Variants in ZHX2 observed in about 807,000 individuals in gnomAD.
ZHX2 encodes the protein zinc fingers and homeoboxes 2.
In ZHX2, 6 loss-of-function variants were observed where a neutral mutation model predicts 21.9. The observed-to-expected ratio is 0.27, with a 90% confidence interval of 0.15 to 0.54. The LOEUF is 0.54. ZHX2 is among the 20% of genes least tolerant of loss of function. The probability of loss-of-function intolerance (pLI) is 0.95; values close to 1 mark genes in which losing one functional copy is unlikely to be tolerated. For missense variants in ZHX2, 908 were observed against 1,090.7 expected (o/e 0.83, Z 2.36); for synonymous variants, 434 against 437.1 (o/e 0.99, Z 0.09).
intron 2 of ZHX2, among the ~76,000 whole-genome samples, chr8:122,892,908 A>G (rs1820015800): frequency 6.6e-6 from 1 of 152,064 alleles, no homozygotes; most frequent in African/African-American, 2.4e-5. Flanking sequence ...CTGGTATCAA[A>G]CTTCAGACCT....
intron 1 of ZHX2, among the ~76,000 whole-genome samples, chr8:122,857,005 A>G (rs1022393659): frequency 6.6e-6 from 1 of 151,804 alleles, no homozygotes; most frequent in Non-Finnish European, 1.5e-5. Context: ...GACAGCTGCC[A>G]GTCTCTGGGG....
intron 2 of ZHX2, among the ~76,000 whole-genome samples, chr8:122,914,511 G>A (rs969143676): frequency 7.2e-5 from 11 of 152,162 alleles, no homozygotes; most frequent in Non-Finnish European, 1.3e-4. Flanking sequence ...CTCATTACCC[G>A]GTGCTGCCAG....
intron 2 of ZHX2, among the ~76,000 whole-genome samples, chr8:122,864,127 A>G (rs148027027): frequency 3.1e-4 from 47 of 150,756 alleles, no homozygotes; most frequent in African/African-American, 1.1e-3. Context: ...AGGTTGGAGA[A>G]ATGTCTGTGG....
At chr8:122,916,515 G>C (rs977367007) in intron 2 of ZHX2, among the ~76,000 whole-genome samples, 2 of 152,056 alleles carry the variant, frequency 1.3e-5, no homozygotes, top group African/African-American at 4.8e-5. Flanking sequence ...TCTACCTAGA[G>C]GTACTTTTTT....
intron 2 of ZHX2, among the ~76,000 whole-genome samples, chr8:122,947,096 A>AAAAC (rs1812995189): frequency 7.2e-6 from 1 of 139,286 alleles, no homozygotes; most frequent in Non-Finnish European, 1.6e-5. Flanking sequence ...TCTTTGCAAA[A>AAAAC]AAAAAAAAAA....
intron 2 of ZHX2, among the ~76,000 whole-genome samples, chr8:122,881,189 A>G (rs948639028): frequency 6.6e-6 from 1 of 152,224 alleles, no homozygotes; most frequent in African/African-American, 2.4e-5. Context: ...CTGAGGCATC[A>G]GTACCTATAA....
chr8:122,820,174 T>A (rs1818113405), intron 1 of ZHX2, among the ~76,000 whole-genome samples: 1 of 152,196 alleles, frequency 6.6e-6, no homozygotes, highest in Non-Finnish European at 1.5e-5. Flanking sequence ...TGCTCTCCAG[T>A]CCCTGTCAGA....
At chr8:122,873,519 G>A (rs1450874812) in intron 2 of ZHX2, among the ~76,000 whole-genome samples, 3 of 152,200 alleles carry the variant, frequency 2.0e-5, no homozygotes, top group Non-Finnish European at 4.4e-5. Flanking sequence ...CATCAGAGCG[G>A]GCATGCAGAG....
At position 122,943,710 on chromosome 8, in the gene ZHX2, G is replaced by T. The variant is rs28368181; in HGVS notation, c.-219-7582G>T. Reference sequence around the variant, plus strand: ...GATATCTCTCAGCAGCCTGGGCCTTGACTGTTTAATTTGGGGTTAGCTGAG... The same window carrying T: ...GATATCTCTCAGCAGCCTGGGCCTTTACTGTTTAATTTGGGGTTAGCTGAG... On this transcript the variant is annotated intron_variant, in intron 2 of 3. Coordinates refer to ENST00000314393, the MANE Select transcript of ZHX2 (RefSeq NM_014943.5). Among the ~76,000 whole-genome samples the T allele has an allele frequency of 3.1e-3, 474 of 152,336 alleles. 1 individual carries two copies. The highest frequency in any genetic ancestry group is 0.01 in the African/African-American group (418 of 41,580).
At position 122,952,135 on chromosome 8, in the gene ZHX2, G is replaced by C; in HGVS notation, c.625G>C (p.Glu209Gln). ...VPKKPEEITP[E>Q]NHVEGTARLV... ...CAAGAAGCCCGAGGAGATCACCCCCGAGAACCACGTGGAAGGGACCGCCCG... is the reference window on the plus strand; with the variant it reads ...CAAGAAGCCCGAGGAGATCACCCCCCAGAACCACGTGGAAGGGACCGCCCG... Residue 209 changes from glutamate to glutamine, a missense_variant, in exon 3 of 4, where the codon GAG (glutamate) becomes CAG (glutamine). By Grantham distance (29) the Glu-to-Gln change is conservative. This residue lies in a region of ZHX2 where 220 missense variants were observed against 251.4 expected (regional missense o/e 0.88). Transcript: ENST00000314393. The surrounding 1 kb of genome is among the most constrained non-coding windows in gnomAD (Gnocchi z 6.9). 3 of 1,613,646 alleles carry C rather than the reference G, an allele frequency of 1.9e-6. No individual in the cohort carries two copies. The highest frequency in any genetic ancestry group is 2.5e-6 in the Non-Finnish European group (3 of 1,179,938).
At chr8:122,842,520 A>C (rs898014890) in intron 1 of ZHX2, among the ~76,000 whole-genome samples, 1 of 152,142 alleles carries the variant, frequency 6.6e-6, no homozygotes, top group Admixed American at 6.5e-5. Flanking sequence ...CCTGGCTAAC[A>C]CAGTGAAACC....
intron 1 of ZHX2, chr8:122,816,616 TTTAG>T (rs1221293144): frequency 1.5e-5 from 2 of 135,400 alleles, no homozygotes; most frequent in African/African-American, 5.1e-5. Flanking sequence ...CTCATTTTTA[TTTAG>T]TTATTCTTTT....
chr8:122,848,736 G>A (rs1410699970), intron 1 of ZHX2, among the ~76,000 whole-genome samples: 1 of 152,220 alleles, frequency 6.6e-6, no homozygotes, highest in Non-Finnish European at 1.5e-5. Context: ...GACAATCGCT[G>A]TTTCTTCAGA....
rs114074267 is a variant in ZHX2 at position 122,849,079 on chromosome 8, G to T, written c.-282-14398G>T. ...CACTGGTGGCTACCAAGAAACATGG[G>T]ATGGCCAGGCAGGGACCTTTCTGGG... On this transcript the variant is annotated intron_variant, in intron 1 of 3. Coordinates refer to ENST00000314393, the MANE Select transcript of ZHX2 (RefSeq NM_014943.5). Among the ~76,000 whole-genome samples, 1,414 of 152,278 alleles carry T rather than the reference G, an allele frequency of 9.3e-3. 24 individuals carry two copies. Among genetic ancestry groups the T allele is most frequent in the African/African-American group, 0.032 (1,326 of 41,564 alleles).
intron 2 of ZHX2, among the ~76,000 whole-genome samples, chr8:122,919,693 G>A (rs1482225377): frequency 6.6e-6 from 1 of 152,202 alleles, no homozygotes; most frequent in African/African-American, 2.4e-5. Context: ...GTGAATGGTA[G>A]CATCCCGTTT....
chr8:122,825,339 T>A (rs1360756044), intron 1 of ZHX2, among the ~76,000 whole-genome samples: 2 of 152,176 alleles, frequency 1.3e-5, no homozygotes, highest in Non-Finnish European at 2.9e-5. Flanking sequence ...CCTGGCTGGG[T>A]CATGACTCCC....
chr8:122,953,800 C>A lies in ZHX2; in HGVS notation c.2290C>A (p.Pro764Thr), dbSNP rs1453339360. The A allele has an allele frequency of 6.2e-7, 1 of 1,614,222 alleles. No homozygotes were observed. Among genetic ancestry groups the A allele is most frequent in the East Asian group, 2.2e-5 (1 of 44,890 alleles). Residue 764 changes from proline (P) to threonine (T), a missense_variant, in exon 3 of 4, where the codon CCC (proline) becomes ACC (threonine). Pro to Thr is a conservative substitution (Grantham distance 38). Coordinates refer to ENST00000314393, the MANE Select transcript of ZHX2 (RefSeq NM_014943.5). This position sits in a 1 kb window ranked among gnomAD's most constrained non-coding sequence, Gnocchi z 4.6. ...AGCAAAAGACTGTTTGCCAGCAAAG[C>A]CCTCAGAGGCCACCTCAGACCGGTC... Reference protein sequence around the residue: ...EPAKDCLPAKPSEATSDRSEG... With the variant: ...EPAKDCLPAKTSEATSDRSEG...
In ZHX2 at chr8:122,925,941, G is replaced by A. The variant is rs559238428; in HGVS notation, c.-219-25351G>A. ...AAGAGGACATGGGACAGAGTGGGGG[G>A]GCACACACAGAAATGGACTTTCTGG... On this transcript the variant is annotated intron_variant, in intron 2 of 3. Coordinates refer to ENST00000314393, the MANE Select transcript of ZHX2 (RefSeq NM_014943.5). 2.6e-3 allele frequency among the ~76,000 whole-genome samples: 402 copies of A among 152,204 alleles called. 2 individuals are homozygous for A. Among genetic ancestry groups the A allele is most frequent in the Non-Finnish European group, 2.6e-3 (174 of 68,014 alleles).
At chr8:122,869,351 A>C (rs1183075318) in intron 2 of ZHX2, among the ~76,000 whole-genome samples, 1 of 151,100 alleles carries the variant, frequency 6.6e-6, no homozygotes, top group Non-Finnish European at 1.5e-5. Context: ...TTTTGAGACA[A>C]AGTTTCGCTT....
Sources: allele counts gnomAD v4.1 joint callset (sites outside exome capture counted in the v4.1 genomes callset), GRCh38; gene constraint gnomAD v4.1.1; regional missense constraint gnomAD v4.1.1; non-coding constraint Gnocchi (gnomAD v3.1); transcripts MANE v1.5; gene names NCBI Gene and HGNC (gene_info 2026-07-23, HGNC 2026-07-21).